ING4: variants seen among roughly 807,000 people sequenced by gnomAD.
The protein encoded by ING4 is inhibitor of growth family member 4.
Under a neutral mutation model 33.1 loss-of-function variants are expected in ING4, and 28 were observed. The ratio of observed to expected loss-of-function variants is 0.85; its 90% CI spans 0.63 to 1.16. The LOEUF (loss-of-function observed/expected upper bound fraction) is 1.16. Ranked by LOEUF, ING4 falls within the 50% of genes most tolerant of loss-of-function variation. The probability of loss-of-function intolerance (pLI) is 0.00; values close to 1 mark genes in which losing one functional copy is unlikely to be tolerated. For missense variants in ING4, 247 were observed against 314.7 expected (o/e 0.78, Z 1.63); for synonymous variants, 87 against 104.4 (o/e 0.83, Z 1.02).
intron 6 of ING4, among the ~76,000 whole-genome samples, chr12:6,651,742 G>A (rs1045924979): frequency 4.6e-5 from 7 of 151,730 alleles, no homozygotes; most frequent in Admixed American, 2.6e-4. Flanking sequence ...GGGTTTCACC[G>A]TGTTGGCCAG....
intron 1 of ING4, among the ~76,000 whole-genome samples, chr12:6,662,695 A>G (rs1254177407): frequency 6.6e-6 from 1 of 152,074 alleles, no homozygotes; most frequent in Non-Finnish European, 1.5e-5. Context: ...GGAGTGGAGG[A>G]GAGGTCTTTA....
At chr12:6,660,658 T>A (rs1390059749) in intron 1 of ING4, among the ~76,000 whole-genome samples, 2 of 151,252 alleles carry the variant, frequency 1.3e-5, no homozygotes, top group Admixed American at 6.6e-5. Flanking sequence ...TAAAAAAAAA[T>A]AAAATGCCTC....
intron 7 of ING4, 41 bp from the exon 8 acceptor site, chr12:6,651,275 A>G: frequency 6.2e-7 from 1 of 1,613,322 alleles, no homozygotes; most frequent in Non-Finnish European, 8.5e-7. Flanking sequence ...TGAAAGGGAG[A>G]ATGCCCTTGA....
At chr12:6,662,904 G>C (rs1350001906) in intron 1 of ING4, among the ~76,000 whole-genome samples, 161 bp downstream of exon 1, 1 of 151,866 alleles carries the variant, frequency 6.6e-6, no homozygotes, top group East Asian at 1.9e-4. Flanking sequence ...CGATCCTGCT[G>C]CCCCGCCCCC....
At chr12:6,658,177 C>T (rs561968356) in intron 1 of ING4, among the ~76,000 whole-genome samples, 3 of 151,082 alleles carry the variant, frequency 2.0e-5, no homozygotes, top group Admixed American at 1.3e-4. Flanking sequence ...CCAGACTGGT[C>T]TTGAACTCCT....
chr12:6,662,775 G>T (rs974654133), intron 1 of ING4, among the ~76,000 whole-genome samples: 2 of 152,072 alleles, frequency 1.3e-5, no homozygotes, highest in African/African-American at 2.4e-5. Flanking sequence ...TACCGAGGCT[G>T]GAGACCCTGG....
chr12:6,656,969 A>G (rs928253977), intron 1 of ING4, among the ~76,000 whole-genome samples, 171 bp from the exon 2 acceptor site: 2 of 151,714 alleles, frequency 1.3e-5, no homozygotes, highest in South Asian at 2.1e-4. Flanking sequence ...CCTGGCCAAC[A>G]TGGCGAGACC....
At chr12:6,657,579 C>G (rs1262440110) in intron 1 of ING4, among the ~76,000 whole-genome samples, 1 of 152,158 alleles carries the variant, frequency 6.6e-6, no homozygotes, top group African/African-American at 2.4e-5. Flanking sequence ...CTCTACAAAA[C>G]CTTTCCATTT....
Position 6,653,369 on chromosome 12 carries a change from G to A in ING4, c.137C>T (p.Ala46Val). The A allele has an allele frequency of 6.2e-7, 1 of 1,614,098 alleles. No individual in the cohort carries two copies. Among genetic ancestry groups the A allele is most frequent in the South Asian group, 1.1e-5 (1 of 91,048 alleles). ...EDLKAEIDKLATEYMSSARSL... is the reference protein window; with the variant it reads ...EDLKAEIDKLVTEYMSSARSL... ...GCGGGCACTACTCATATACTCAGTG[G>A]CCAACTTGTCAATTTCAGCCTTCAG... The change falls in exon 3 of 8, where the codon GCC becomes GTC. Residue 46 changes from alanine to valine, a missense_variant. Ala to Val is a moderately conservative substitution (Grantham distance 64). Coordinates refer to ENST00000341550, the MANE Select transcript of ING4 (RefSeq NM_016162.4).
At chr12:6,654,506 T>TA (rs984340230) in intron 2 of ING4, among the ~76,000 whole-genome samples, 2 of 151,658 alleles carry the variant, frequency 1.3e-5, no homozygotes, top group African/African-American at 4.9e-5. Flanking sequence ...ATAATTTTTT[T>TA]AAAAAAATTA....
At position 6,650,340 on chromosome 12, in the gene ING4, G is replaced by C. The variant is rs180952713; in HGVS notation, c.*855C>G. 3 of 152,294 alleles carry C rather than the reference G, an allele frequency of 2.0e-5. No homozygotes were observed. Among genetic ancestry groups the C allele is most frequent in the Non-Finnish European group, 2.9e-5 (2 of 68,028 alleles). 9.4% of individuals were successfully genotyped at this position (152,294 alleles called of 1,614,324 possible). Reference sequence around the variant, plus strand: ...ATCATTTATTGGAAATTAAGTGAAAGATGTTTTATGGAGAAAAGATGCATG... The same window carrying C: ...ATCATTTATTGGAAATTAAGTGAAACATGTTTTATGGAGAAAAGATGCATG... On this transcript the variant is annotated 3_prime_UTR_variant, in exon 8 of 8. Transcript: ENST00000341550.
chr12:6,661,406 G>GTTTTTTTTTTTTTTTTTTTTTTTTT (rs1174675715), intron 1 of ING4, among the ~76,000 whole-genome samples: 1 of 118,592 alleles, frequency 8.4e-6, no homozygotes, highest in Non-Finnish European at 1.7e-5. Context: ...ACCAGCCTTT[G>GTTTTTTTTTTTTTTTTTTTTTTTTT]TTTTTTTTTT....
chr12:6,656,323 G>A (rs1378582568), intron 2 of ING4: 4 of 244,808 alleles, frequency 1.6e-5, no homozygotes, highest in Middle Eastern at 2.9e-3. Flanking sequence ...TTACTGGTGC[G>A]TGCCACCACA....
At chr12:6,660,591 G>A (rs1288814738) in intron 1 of ING4, among the ~76,000 whole-genome samples, 2 of 152,018 alleles carry the variant, frequency 1.3e-5, no homozygotes, top group Non-Finnish European at 2.9e-5. Flanking sequence ...CTGGGTGACA[G>A]AGTGAGACTC....
chr12:6,659,329 G>C (rs1949471090), intron 1 of ING4, among the ~76,000 whole-genome samples: 1 of 152,126 alleles, frequency 6.6e-6, no homozygotes, highest in South Asian at 2.1e-4. Flanking sequence ...GCCGAGGCGG[G>C]TGGCTCACTT....
At chr12:6,658,428 G>A (rs1949441536) in intron 1 of ING4, among the ~76,000 whole-genome samples, 1 of 151,300 alleles carries the variant, frequency 6.6e-6, no homozygotes, top group South Asian at 2.2e-4. Flanking sequence ...GCTCATGCCT[G>A]TAATCCCAGC....
At chr12:6,652,612 C>T (rs765067593) in intron 5 of ING4, 50 bp downstream of exon 5, 18 of 1,538,128 alleles carry the variant, frequency 1.2e-5, no homozygotes, top group African/African-American at 2.7e-5. Flanking sequence ...GAGTGGGGCA[C>T]CGGGAGAGAA....
chr12:6,658,380 G>A (rs1477890505), intron 1 of ING4, among the ~76,000 whole-genome samples: 1 of 151,844 alleles, frequency 6.6e-6, no homozygotes, highest in Admixed American at 6.6e-5. Flanking sequence ...TAGCCAGAAT[G>A]TCCTTTTTAA....
chr12:6,651,744 G>C (rs1174028206), intron 6 of ING4, among the ~76,000 whole-genome samples: 1 of 151,838 alleles, frequency 6.6e-6, no homozygotes, highest in Middle Eastern at 3.4e-3. Context: ...GTTTCACCGT[G>C]TTGGCCAGGC....
Sources: gnomAD v4.1 joint callset for allele counts (sites outside exome capture counted in the v4.1 genomes callset) on GRCh38, gnomAD v4.1.1 for gene constraint, MANE v1.5 for transcripts, NCBI Gene and HGNC (gene_info 2026-07-23, HGNC 2026-07-21) for gene names.